Variants in ASIP observed in about 807,000 individuals in gnomAD.
ASIP encodes agouti signaling protein.
ASIP carries 11 observed loss-of-function variants against 10.3 expected under a neutral mutation model. That is an observed-to-expected ratio of 1.07 (90% CI 0.68 to 1.78). ASIP has a LOEUF of 1.78. Ranked by LOEUF, ASIP falls within the 40% of genes most tolerant of loss-of-function variation. ASIP has a pLI of 0.00. For missense variants in ASIP, 180 were observed against 169.2 expected, an observed-to-expected ratio of 1.06 and a Z score of -0.35; for synonymous variants, 70 against 70.8, an observed-to-expected ratio of 0.99 and a Z score of 0.06.
intron 1 of ASIP, among the ~76,000 whole-genome samples, chr20:34,196,987 C>CTTT (rs74271768): frequency 7.4e-6 from 1 of 135,530 alleles, no homozygotes; most frequent in Non-Finnish European, 1.6e-5. Flanking sequence ...CTTAAACATT[C>CTTT]TTTTTTTTTT....
chr20:34,256,490 G>C (rs1384564819), intron 1 of ASIP, among the ~76,000 whole-genome samples: 3 of 152,168 alleles, frequency 2.0e-5, no homozygotes, highest in Non-Finnish European at 4.4e-5. Context: ...TTTTTGTAGA[G>C]ATGAGGTCTC....
chr20:34,268,789 C>T (rs2035834300), intron 3 of ASIP, among the ~76,000 whole-genome samples: 1 of 151,748 alleles, frequency 6.6e-6, no homozygotes, highest in African/African-American at 2.4e-5. Context: ...AGAAGACGAC[C>T]AGGGCCAGGC....
chr20:34,195,746 G>C (rs2034850935), intron 1 of ASIP, among the ~76,000 whole-genome samples: 1 of 152,184 alleles, frequency 6.6e-6, no homozygotes, highest in Non-Finnish European at 1.5e-5. Context: ...GCAAATTCAA[G>C]TACATAAGGA....
upstream of ASIP, among the ~76,000 whole-genome samples, chr20:34,192,480 C>A (rs1186643910): frequency 6.6e-6 from 1 of 151,520 alleles, no homozygotes; most frequent in East Asian, 1.9e-4. Context: ...AATTTCTTTT[C>A]TTTGTTTCTT....
chr20:34,235,962 AAGG>A (rs1450683546), intron 1 of ASIP, among the ~76,000 whole-genome samples: 1 of 83,802 alleles, frequency 1.2e-5, no homozygotes, highest in Non-Finnish European at 1.9e-5. Context: ...GGAAGGAAGG[AAGG>A]AGGGAGGGAG....
chr20:34,245,719 C>A (rs1031274757), intron 1 of ASIP, among the ~76,000 whole-genome samples: 1 of 151,904 alleles, frequency 6.6e-6, no homozygotes, highest in African/African-American at 2.4e-5. Context: ...TGACTAAATT[C>A]TATTCATGCA....
At chr20:34,242,126 T>C (rs1055651190) in intron 1 of ASIP, among the ~76,000 whole-genome samples, 4 of 152,268 alleles carry the variant, frequency 2.6e-5, no homozygotes, top group South Asian at 2.1e-4. Context: ...GCTGTTTCCA[T>C]TGGAGGAGAT....
At chr20:34,216,357 A>G (rs906198565) in intron 1 of ASIP, among the ~76,000 whole-genome samples, 7 of 152,342 alleles carry the variant, frequency 4.6e-5, no homozygotes, top group Non-Finnish European at 1.0e-4. Context: ...TGCGGGCGGC[A>G]GCCCGCGGGC....
At chr20:34,240,601 C>G (rs1030334870), upstream of ASIP, among the ~76,000 whole-genome samples, 2 of 152,310 alleles carry the variant, frequency 1.3e-5, no homozygotes, top group South Asian at 4.1e-4. Flanking sequence ...TGGGCTGGGC[C>G]TCAGCAATCT....
chr20:34,189,111 G>A, the ASIP span, among the ~76,000 whole-genome samples: 1,560 of 152,240 alleles, frequency 0.01, 9 homozygotes, highest in Middle Eastern at 0.027. Context: ...CACAACGACC[G>A]TGAGGCATTT....
In ASIP at chr20:34,235,918, G is replaced by GCGGGAGGGAGGGAA. The variant is rs1568756656; in HGVS notation, c.-10-24447_-10-24446insCGGGAGGGAGGGAA. 7.7e-4 allele frequency among the ~76,000 whole-genome samples: 94 copies of GCGGGAGGGAGGGAA among 122,868 alleles called. 21 individuals are homozygous for GCGGGAGGGAGGGAA. Among genetic ancestry groups the GCGGGAGGGAGGGAA allele is most frequent in the Middle Eastern group, 8.5e-3 (2 of 234 alleles). 80.6% of individuals were successfully genotyped at this position (122,868 alleles called of 152,430 possible). A position where few individuals can be genotyped will look rare whatever the true frequency, so the allele number is the denominator to read the frequency against. ...GGAAGGAAAGGAAGGAAGGAAGGAA[G>GCGGGAGGGAGGGAA]GAAGGAAGGAAGCGGGAGGGAGGGA... On this transcript the variant is annotated intron_variant, in intron 1 of 3. Transcript: ENST00000568305.
At chr20:34,232,752 C>T (rs925488920) in intron 1 of ASIP, among the ~76,000 whole-genome samples, 7 of 152,168 alleles carry the variant, frequency 4.6e-5, no homozygotes, top group African/African-American at 1.2e-4. Flanking sequence ...GTATGTCCAC[C>T]TTTGACAGCA....
chr20:34,245,473 C>T (rs909412827), intron 1 of ASIP, among the ~76,000 whole-genome samples: 5 of 151,302 alleles, frequency 3.3e-5, no homozygotes, highest in East Asian at 2.0e-4. Context: ...CTGCAACCTC[C>T]GCCTCCCAGG....
chr20:34,219,159 A>G (rs2122561099), intron 1 of ASIP, among the ~76,000 whole-genome samples: 1 of 152,314 alleles, frequency 6.6e-6, no homozygotes, highest in East Asian at 1.9e-4. Context: ...AAGAAAAGGA[A>G]GCCTAACCTT....
chr20:34,217,265 C>T (rs1341362952), intron 1 of ASIP, among the ~76,000 whole-genome samples: 7 of 151,766 alleles, frequency 4.6e-5, no homozygotes, highest in Non-Finnish European at 1.0e-4. Context: ...TGGCAAAACC[C>T]CATCTCTACA....
At chr20:34,247,195 A>G (rs1359915717) in intron 1 of ASIP, among the ~76,000 whole-genome samples, 1 of 150,932 alleles carries the variant, frequency 6.6e-6, no homozygotes, top group Non-Finnish European at 1.5e-5. Flanking sequence ...CTAAATAGCT[A>G]TTTTTAGAAA....
At chr20:34,217,305 G>C (rs1249952775) in intron 1 of ASIP, among the ~76,000 whole-genome samples, 1 of 151,676 alleles carries the variant, frequency 6.6e-6, no homozygotes, top group Non-Finnish European at 1.5e-5. Context: ...GGGCGTGGTG[G>C]TGGGTGCCTG....
chr20:34,188,629 TTC>T, the ASIP span, among the ~76,000 whole-genome samples: 10 of 152,358 alleles, frequency 6.6e-5, no homozygotes, highest in African/African-American at 2.2e-4. Context: ...TAGGATTATA[TTC>T]TGTTTATGAA....
intron 1 of ASIP, among the ~76,000 whole-genome samples, chr20:34,222,130 A>G: frequency 6.6e-6 from 1 of 152,250 alleles, no homozygotes; most frequent in Middle Eastern, 3.4e-3. Flanking sequence ...AAATAAATAA[A>G]TATAAAGAAA....
Sources: gnomAD v4.1 joint callset for allele counts (sites outside exome capture counted in the v4.1 genomes callset) on GRCh38, gnomAD v4.1.1 for gene constraint, MANE v1.5 for transcripts, NCBI Gene and HGNC (gene_info 2026-07-23, HGNC 2026-07-21) for gene names.